The following RECQL variants were observed in gnomAD, a reference collection of about 807,000 sequenced individuals.
RECQL encodes ATP-dependent DNA helicase Q1.
RECQL carries 73 observed loss-of-function variants against 75.8 expected under a neutral mutation model. The observed-to-expected ratio is 0.96, with a 90% CI of 0.80 to 1.17. RECQL has a LOEUF of 1.17. Ranked by LOEUF, RECQL falls within the 50% of genes most tolerant of loss-of-function variation. The pLI, the probability that RECQL is intolerant of heterozygous loss-of-function variation, is 0.00. For missense variants in RECQL, 699 were observed against 772.1 expected (o/e 0.91, Z 1.12); for synonymous variants, 248 against 254.4 (o/e 0.97, Z 0.24).
At chr12:21,496,706 C>G (rs1034570165) in intron 2 of RECQL, among the ~76,000 whole-genome samples, 14 of 152,186 alleles carry the variant, frequency 9.2e-5, no homozygotes, top group Non-Finnish European at 2.1e-4. Context: ...TGAGATACCT[C>G]TTCTAAAGTG....
At chr12:21,483,636 G>A (rs1431534762) in intron 5 of RECQL, 62 bp from the exon 6 acceptor site, 5 of 1,195,802 alleles carry the variant, frequency 4.2e-6, no homozygotes, top group Non-Finnish European at 5.9e-6. Context: ...TGAAATACTA[G>A]GTGGTAAATG....
At chr12:21,472,071 T>C (rs1297972381) in intron 12 of RECQL, among the ~76,000 whole-genome samples, 2 of 152,202 alleles carry the variant, frequency 1.3e-5, no homozygotes, top group East Asian at 3.9e-4. Flanking sequence ...ACCAGTACTC[T>C]GATTTATATA....
chr12:21,496,065 C>G (rs1385372603), intron 2 of RECQL, among the ~76,000 whole-genome samples: 1 of 152,220 alleles, frequency 6.6e-6, no homozygotes, highest in Non-Finnish European at 1.5e-5. Context: ...ACCAATACAG[C>G]AAACTAAAAA....
chr12:21,470,934 A>T, intron 14 of RECQL, 35 bp downstream of exon 14: 1 of 1,381,640 alleles, frequency 7.2e-7, no homozygotes, highest in South Asian at 1.8e-5. Context: ...TATACTTTTT[A>T]AAATATATAA....
Position 21,468,986 on chromosome 12 carries a change from TA to T in RECQL, c.*1207del. ...ACACTGACCGCTTAGATAAAAATCT[TA>T]AGTTATTTATTTCTGTGTTTTAAAC... On this transcript the variant is annotated 3_prime_UTR_variant, in exon 15 of 15. Coordinates refer to ENST00000444129, the MANE Select transcript of RECQL (RefSeq NM_002907.4). The T allele has an allele frequency of 2.7e-6, 1 of 377,126 alleles. No homozygotes were observed. The highest frequency in any genetic ancestry group is 3.2e-5 in the South Asian group (1 of 30,982). The allele number at this position is 377,126 out of a possible 1,614,324, so 23.4% of individuals were successfully genotyped here.
rs187748783 is a variant in RECQL, at chr12:21,468,959, C to G, written c.*1235G>C. On this transcript the variant is annotated 3_prime_UTR_variant, in exon 15 of 15. Transcript: ENST00000444129. ...TATTTATAGATATATCTTTCCAATA[C>G]AACACTGACCGCTTAGATAAAAATC... 5.6e-5 allele frequency: 25 copies of G among 450,278 alleles called. No individual in the cohort carries two copies. Among genetic ancestry groups the G allele is most frequent in the African/African-American group, 4.8e-4 (24 of 50,510 alleles). The allele number at this position is 450,278 out of a possible 1,614,324, so 27.9% of individuals were successfully genotyped here.
intron 2 of RECQL, among the ~76,000 whole-genome samples, chr12:21,496,690 G>A (rs752970808): frequency 6.6e-6 from 1 of 152,194 alleles, no homozygotes; most frequent in Non-Finnish European, 1.5e-5. Context: ...AGGGTATGGG[G>A]CATGTTGAGA....
intron 11 of RECQL, 80 bp from the exon 12 acceptor site, chr12:21,473,722 T>A (rs1336249191): frequency 2.6e-6 from 3 of 1,153,592 alleles, no homozygotes; most frequent in Non-Finnish European, 3.8e-6. Context: ...TACATAGTTA[T>A]ATACTGTATT....
chr12:21,471,725 A>G (rs1942971104), intron 12 of RECQL, 78 bp from the exon 13 acceptor site: 2 of 1,161,032 alleles, frequency 1.7e-6, no homozygotes, highest in South Asian at 1.3e-5. Context: ...AAGTAGTTAA[A>G]CTGGTTTAAA....
At chr12:21,494,538 A>G (rs1943469560) in intron 2 of RECQL, among the ~76,000 whole-genome samples, 1 of 152,190 alleles carries the variant, frequency 6.6e-6, no homozygotes, top group Non-Finnish European at 1.5e-5. Context: ...GGCCTCAAAG[A>G]TGAATGTCAG....
In RECQL at chr12:21,477,803, C is replaced by G. The variant is rs761766310; in HGVS notation, c.867G>C (p.Glu289Asp). ...AGGAATTGACATAAAAATTACATAC[C>G]TCATAATATAGATTTGGCCTATTAA... ...ASFNRPNLYYEVRQKPSNTED... is the reference protein window; with the variant it reads ...ASFNRPNLYYDVRQKPSNTED... Residue 289 changes from glutamate (E) to aspartate (D), a missense_variant and splice_region_variant, in exon 7 of 15, where the codon GAG (glutamate) becomes GAC (aspartate). By Grantham distance (45) the Glu-to-Asp change is conservative (BLOSUM62 2). Transcript: ENST00000444129. 1 of 1,602,788 alleles carries G rather than the reference C, an allele frequency of 6.2e-7. No homozygotes were observed. Among genetic ancestry groups the G allele is most frequent in the East Asian group, 2.2e-5 (1 of 44,728 alleles).
At chr12:21,476,785 A>T in intron 8 of RECQL, 126 bp downstream of exon 8, 1 of 498,132 alleles carries the variant, frequency 2.0e-6, no homozygotes, top group Non-Finnish European at 3.5e-6. Context: ...ACGTATTTTC[A>T]AGTATCTTCT....
At chr12:21,482,570 C>T (rs188345813) in intron 6 of RECQL, among the ~76,000 whole-genome samples, 37 of 152,322 alleles carry the variant, frequency 2.4e-4, no homozygotes, top group African/African-American at 8.4e-4. Context: ...TCCAGCATCT[C>T]AGGCACAACG....
chr12:21,496,187 T>G (rs1188451802), intron 2 of RECQL, among the ~76,000 whole-genome samples: 1 of 152,226 alleles, frequency 6.6e-6, no homozygotes, highest in Non-Finnish European at 1.5e-5. Flanking sequence ...ATGTGGTGTA[T>G]GCAGAAGACA....
rs557016539 is a variant in RECQL at position 21,477,688 on chromosome 12, A to C, written c.867+115T>G. ...AGAATCTACTTATAATTACCTCCTA[A>C]TGTTAAAAATTTTTGTAAGTACTTA... On this transcript the variant is annotated intron_variant, in intron 7 of 14. Transcript: ENST00000444129. 1.3e-4 allele frequency: 91 copies of C among 712,920 alleles called. No homozygotes were observed. The Admixed American group carries it at 1.4e-3, about 11-fold the overall frequency. 44.2% of individuals were successfully genotyped at this position (712,920 alleles called of 1,614,324 possible). A position where few individuals can be genotyped will look rare whatever the true frequency, so the allele number is the denominator to read the frequency against.
Position 21,469,357 on chromosome 12 carries a change from A to G in RECQL, c.*837T>C, listed in dbSNP as rs1324931663. The stretch of plus-strand genomic sequence containing the variant: ...ACAAATCTGTAAACTTTCTTAAAAC[A>G]TGAGATTTTTCTTGCAATTTTTTTT... On this transcript the variant is annotated 3_prime_UTR_variant, in exon 15 of 15. Coordinates refer to ENST00000444129, the MANE Select transcript of RECQL (RefSeq NM_002907.4). 6.6e-6 allele frequency: 1 copy of G among 151,964 alleles called. No individual in the cohort carries two copies. The highest frequency in any genetic ancestry group is 2.4e-5 in the African/African-American group (1 of 41,356). 9.4% of individuals were successfully genotyped at this position (151,964 alleles called of 1,614,324 possible). A position where few individuals can be genotyped will look rare whatever the true frequency, so the allele number is the denominator to read the frequency against.
intron 6 of RECQL, among the ~76,000 whole-genome samples, chr12:21,480,877 C>T (rs1013227949): frequency 6.6e-6 from 1 of 152,218 alleles, no homozygotes; most frequent in African/African-American, 2.4e-5. Flanking sequence ...GTTTCTAAGT[C>T]TTATTTGTTC....
At chr12:21,489,602 C>G (rs1943369945) in intron 4 of RECQL, among the ~76,000 whole-genome samples, 1 of 152,184 alleles carries the variant, frequency 6.6e-6, no homozygotes, top group Non-Finnish European at 1.5e-5. Context: ...ATGGCAGACA[C>G]TCAGTAAAGA....
At chr12:21,480,799 C>T (rs373039441) in intron 6 of RECQL, among the ~76,000 whole-genome samples, 2 of 152,130 alleles carry the variant, frequency 1.3e-5, no homozygotes, top group Non-Finnish European at 2.9e-5. Flanking sequence ...CACAGACGTA[C>T]CCCACCTCTG....
Sources: allele counts gnomAD v4.1 joint callset (sites outside exome capture counted in the v4.1 genomes callset), GRCh38; gene constraint gnomAD v4.1.1; transcripts MANE v1.5; gene names NCBI Gene and HGNC (gene_info 2026-07-23, HGNC 2026-07-21).